Variants in SUPT3H observed in about 807,000 individuals in gnomAD.
SUPT3H encodes SPT3 homolog, SAGA and STAGA complex component.
A neutral mutation model predicts 44.3 loss-of-function variants in SUPT3H; 44 were observed. That is an observed-to-expected ratio of 0.99 (90% confidence interval 0.78 to 1.28). The LOEUF is 1.28. Ranked by LOEUF, SUPT3H falls within the 50% of genes most tolerant of loss-of-function variation. SUPT3H has a pLI of 0.00. For synonymous variants in SUPT3H, 124 were observed against 125.6 expected (o/e 0.99, Z 0.09); for missense variants, 380 against 387.1 (o/e 0.98, Z 0.15).
intron 7 of SUPT3H, 109 bp downstream of exon 7, chr6:44,961,644 C>T (rs1201042968): frequency 1.2e-6 from 1 of 863,394 alleles, no homozygotes; most frequent in Non-Finnish European, 1.9e-6. Context: ...TACAACTACA[C>T]ATATATTAAA....
chr6:45,095,692 T>C lies in SUPT3H; in HGVS notation c.186+10230A>G. Among the ~76,000 whole-genome samples the C allele has an allele frequency of 6.6e-6, 1 of 152,180 alleles. No individual in the cohort carries two copies. Among genetic ancestry groups the C allele is most frequent in the East Asian group, 1.9e-4 (1 of 5,200 alleles). ...GCATAAAATGTAGTGAATCTTTTGA[T>C]ATTTAACTTTGAATGAACAGAGAAA... On this transcript the variant is annotated intron_variant, in intron 3 of 10. Transcript: ENST00000371459. This position sits in a 1 kb window ranked among gnomAD's most constrained non-coding sequence, Gnocchi z 4.1.
At chr6:45,122,734 G>A (rs1054161455) in intron 2 of SUPT3H, among the ~76,000 whole-genome samples, 2 of 152,036 alleles carry the variant, frequency 1.3e-5, no homozygotes, top group Non-Finnish European at 2.9e-5. Flanking sequence ...CATATTAGAA[G>A]ATATATCAAA....
intron 6 of SUPT3H, among the ~76,000 whole-genome samples, chr6:44,968,281 C>T (rs1250129915): frequency 6.6e-6 from 1 of 152,116 alleles, no homozygotes; most frequent in Non-Finnish European, 1.5e-5. Flanking sequence ...CAGCATTCAG[C>T]AATGCGGCAA....
chr6:45,158,874 G>A (rs960966355), intron 2 of SUPT3H: 24 of 152,164 alleles, frequency 1.6e-4, no homozygotes, highest in African/African-American at 5.3e-4. Flanking sequence ...GTCCTTGCTG[G>A]TCAGTGGGGC....
chr6:44,814,309 A>T (rs890538229), intron 11 of SUPT3H, among the ~76,000 whole-genome samples: 2 of 152,160 alleles, frequency 1.3e-5, no homozygotes, highest in Non-Finnish European at 2.9e-5. Flanking sequence ...CAGGTTATTT[A>T]AGGGTATATG....
At chr6:45,260,931 T>G (rs975542824) in intron 2 of SUPT3H, among the ~76,000 whole-genome samples, 6 of 152,124 alleles carry the variant, frequency 3.9e-5, no homozygotes, top group Admixed American at 3.9e-4. Flanking sequence ...TCCAATTCCC[T>G]GCAATAAATT....
chr6:45,106,040 G>T (rs72869128), intron 2 of SUPT3H, 34 bp from the exon 3 acceptor site: 70,434 of 1,541,754 alleles, frequency 0.046, 1,936 homozygotes, highest in Non-Finnish European at 0.052. Context: ...CAATATTAAG[G>T]ACTATAAAAC....
intron 10 of SUPT3H, among the ~76,000 whole-genome samples, chr6:44,904,583 G>A (rs1010084169): frequency 1.3e-5 from 2 of 152,156 alleles, no homozygotes; most frequent in African/African-American, 4.8e-5. Flanking sequence ...TCATGAAAAT[G>A]GCCATACTGC....
chr6:44,972,455 C>T (rs1340586415), intron 6 of SUPT3H, among the ~76,000 whole-genome samples: 1 of 152,198 alleles, frequency 6.6e-6, no homozygotes, highest in African/African-American at 2.4e-5. Flanking sequence ...CTCCCAGATG[C>T]TTTCATGGGC....
rs139568960 is a variant in SUPT3H at position 44,953,876 on chromosome 6, G to A, written c.694-459C>T. Among the ~76,000 whole-genome samples the A allele has an allele frequency of 6.1e-3, 925 of 152,146 alleles. 14 individuals are homozygous for A. Among genetic ancestry groups the A allele is most frequent in the African/African-American group, 0.021 (884 of 41,492 alleles). ...CCTTCCTGAGTAGCTGGGACTACAGGTGCCCGCCACCATGCCCGGCTAACT... is the reference window on the plus strand; with the variant it reads ...CCTTCCTGAGTAGCTGGGACTACAGATGCCCGCCACCATGCCCGGCTAACT... On this transcript the variant is annotated intron_variant, in intron 8 of 10. Transcript: ENST00000371459.
At chr6:45,161,413 G>T (rs188969579) in intron 2 of SUPT3H, among the ~76,000 whole-genome samples, 7 of 152,226 alleles carry the variant, frequency 4.6e-5, no homozygotes, top group African/African-American at 1.7e-4. Context: ...TGATCTCTAC[G>T]TAGGGCAATA....
At chr6:45,148,502 G>A (rs1806443924) in intron 2 of SUPT3H, among the ~76,000 whole-genome samples, 1 of 152,144 alleles carries the variant, frequency 6.6e-6, no homozygotes, top group South Asian at 2.1e-4. Flanking sequence ...AACATGAGGT[G>A]ACTACAGAAA....
At chr6:45,291,307 G>C (rs753416764) in intron 2 of SUPT3H, among the ~76,000 whole-genome samples, 1 of 152,124 alleles carries the variant, frequency 6.6e-6, no homozygotes, top group Non-Finnish European at 1.5e-5. Flanking sequence ...AGCCTTTAGC[G>C]CTAGACCTTT....
At chr6:45,317,053 C>G (rs1021861626) in intron 2 of SUPT3H, among the ~76,000 whole-genome samples, 3 of 151,386 alleles carry the variant, frequency 2.0e-5, no homozygotes, top group Admixed American at 6.6e-5. Context: ...ATGGCGAGAC[C>G]CCATCTCTAC....
intron 2 of SUPT3H, among the ~76,000 whole-genome samples, chr6:45,192,489 T>A (rs1815308155): frequency 6.6e-6 from 1 of 152,190 alleles, no homozygotes; most frequent in East Asian, 1.9e-4. Context: ...TAATTTTATG[T>A]TTTTAAAGAG....
chr6:45,214,982 C>T (rs1253492015), intron 2 of SUPT3H, among the ~76,000 whole-genome samples: 1 of 152,104 alleles, frequency 6.6e-6, no homozygotes, highest in East Asian at 1.9e-4. Flanking sequence ...TGAGAATCAA[C>T]CTACCCCGTG....
At chr6:45,019,898 T>G (rs1784868068) in intron 4 of SUPT3H, among the ~76,000 whole-genome samples, 1 of 151,952 alleles carries the variant, frequency 6.6e-6, no homozygotes, top group Non-Finnish European at 1.5e-5. Flanking sequence ...ATCTAAGAGT[T>G]GATTAACTGA....
At chr6:45,038,198 T>G (rs1377990756) in intron 3 of SUPT3H, among the ~76,000 whole-genome samples, 1 of 152,210 alleles carries the variant, frequency 6.6e-6, no homozygotes. Flanking sequence ...CAAGTTTTAC[T>G]TATGCTATGA....
chr6:45,289,634 G>C (rs950436962), intron 2 of SUPT3H, among the ~76,000 whole-genome samples: 4 of 152,062 alleles, frequency 2.6e-5, no homozygotes, highest in African/African-American at 9.7e-5. Context: ...TTAACACATA[G>C]GCTTTTTAGA....
Sources: gnomAD v4.1 joint callset for allele counts (sites outside exome capture counted in the v4.1 genomes callset) on GRCh38, gnomAD v4.1.1 for gene constraint, Gnocchi (gnomAD v3.1) non-coding constraint, MANE v1.5 for transcripts, NCBI Gene and HGNC (gene_info 2026-07-23, HGNC 2026-07-21) for gene names.